Variants in SH3RF3 observed in about 807,000 individuals in gnomAD.
SH3RF3 encodes SH3 domain containing ring finger 3, also known as E3 ubiquitin-protein ligase SH3RF3.
A neutral mutation model predicts 66.3 loss-of-function variants in SH3RF3; 29 were observed. The ratio of observed to expected loss-of-function variants is 0.44; its 90% CI spans 0.33 to 0.60. The LOEUF is 0.60. SH3RF3 is among the 20% of genes least tolerant of loss of function. The probability of loss-of-function intolerance (pLI) is 0.04; values close to 1 mark genes in which losing one functional copy is unlikely to be tolerated. For missense variants in SH3RF3, 1,194 were observed against 1,190.9 expected (o/e 1.00, Z -0.04); for synonymous variants, 583 against 532.0 (o/e 1.10, Z -1.32).
chr2:109,432,954 C>CT (rs1287189752), intron 6 of SH3RF3, among the ~76,000 whole-genome samples: 1 of 152,250 alleles, frequency 6.6e-6, no homozygotes, highest in Non-Finnish European at 1.5e-5. Flanking sequence ...AATGAGGTCT[C>CT]AAGTGTGAAT....
At chr2:109,425,932 C>G (rs953905886) in intron 5 of SH3RF3, among the ~76,000 whole-genome samples, 6 of 152,108 alleles carry the variant, frequency 3.9e-5, no homozygotes, top group Admixed American at 1.3e-4. Flanking sequence ...GAGTTTCACT[C>G]TGTCGTCCAG....
chr2:109,282,092 C>G (rs1485608842), intron 1 of SH3RF3, among the ~76,000 whole-genome samples: 1 of 152,064 alleles, frequency 6.6e-6, no homozygotes, highest in East Asian at 1.9e-4. Context: ...AAGCCTGTCT[C>G]TAGTTGCATT....
intron 3 of SH3RF3, among the ~76,000 whole-genome samples, chr2:109,394,708 C>T (rs1676093225): frequency 6.6e-6 from 1 of 152,206 alleles, no homozygotes; most frequent in African/African-American, 2.4e-5. Flanking sequence ...CAAGGTGACG[C>T]CACATGCAGA....
intron 2 of SH3RF3, among the ~76,000 whole-genome samples, chr2:109,367,029 C>G (rs1312271227): frequency 6.6e-6 from 1 of 151,880 alleles, no homozygotes; most frequent in Non-Finnish European, 1.5e-5. Context: ...TCTTGGTTCA[C>G]TGCAACTTTC....
intron 1 of SH3RF3, among the ~76,000 whole-genome samples, chr2:109,324,817 G>A (rs1682110247): frequency 6.6e-6 from 1 of 152,164 alleles, no homozygotes; most frequent in Non-Finnish European, 1.5e-5. Context: ...GTAACTCCAA[G>A]GACAGTACTC....
chr2:109,465,176 A>G (rs1170370713), intron 8 of SH3RF3, among the ~76,000 whole-genome samples: 1 of 152,366 alleles, frequency 6.6e-6, no homozygotes, highest in African/African-American at 2.4e-5. Flanking sequence ...GCACTGAATA[A>G]TATTCCATTG....
chr2:109,482,598 G>A (rs1490025309), intron 8 of SH3RF3, among the ~76,000 whole-genome samples: 1 of 152,172 alleles, frequency 6.6e-6, no homozygotes, highest in East Asian at 1.9e-4. Flanking sequence ...CCTAAGAGGG[G>A]GAGAGCAGTG....
At chr2:109,330,033 C>G (rs1023210098) in intron 1 of SH3RF3, among the ~76,000 whole-genome samples, 1 of 152,160 alleles carries the variant, frequency 6.6e-6, no homozygotes, top group Non-Finnish European at 1.5e-5. Context: ...CTGGCCCTTA[C>G]AAAACATTGA....
Position 109,398,668 on chromosome 2 carries a change from C to A in SH3RF3, c.1024C>A (p.Pro342Thr), listed in dbSNP as rs369452400. Reference protein sequence around the residue: ...AAASSCNASLPSDSGAVASVA... With the variant: ...AAASSCNASLTSDSGAVASVA... ...TGCATCCAGCTGCAATGCCTCCCTG[C>A]CCTCTGACTCCGGCGCTGTGGCCAG... Residue 342 changes from proline to threonine, a missense_variant, in exon 4 of 10, where the codon CCC becomes ACC. Transcript: ENST00000309415. 1.9e-6 allele frequency: 3 copies of A among 1,607,746 alleles called. No individual in the cohort carries two copies. In the African/African-American group the frequency reaches 4.0e-5, roughly 21 times the overall value.
chr2:109,155,801 T>C (rs1250990465), intron 1 of SH3RF3, among the ~76,000 whole-genome samples: 1 of 152,224 alleles, frequency 6.6e-6, no homozygotes, highest in African/African-American at 2.4e-5. Flanking sequence ...GTGAATAACG[T>C]AGAATGGAAG....
chr2:109,423,409 G>A (rs1676935620), intron 5 of SH3RF3, among the ~76,000 whole-genome samples: 6 of 152,142 alleles, frequency 3.9e-5, no homozygotes. Flanking sequence ...TGTGCGTGTG[G>A]TCAAAAGGCC....
intron 9 of SH3RF3, among the ~76,000 whole-genome samples, chr2:109,491,974 C>T (rs1240568936): frequency 2.0e-5 from 3 of 152,148 alleles, no homozygotes; most frequent in South Asian, 4.1e-4. Flanking sequence ...GTCTAGTTTT[C>T]TATCCTCACA....
intron 8 of SH3RF3, among the ~76,000 whole-genome samples, chr2:109,454,440 A>G (rs1677978672): frequency 1.3e-5 from 2 of 152,180 alleles, no homozygotes; most frequent in African/African-American, 2.4e-5. Context: ...AGCACAGGCC[A>G]TGAGTGGTGC....
At chr2:109,270,928 G>A (rs1208809781) in intron 1 of SH3RF3, among the ~76,000 whole-genome samples, 3 of 152,182 alleles carry the variant, frequency 2.0e-5, no homozygotes, top group Non-Finnish European at 4.4e-5. Flanking sequence ...AGACACCAGC[G>A]GGGCCCTCCA....
intron 1 of SH3RF3, among the ~76,000 whole-genome samples, chr2:109,211,479 G>A (rs1035479993): frequency 2.6e-5 from 4 of 152,178 alleles, no homozygotes; most frequent in Non-Finnish European, 5.9e-5. Flanking sequence ...ATGCAGATGG[G>A]CGCAACTGCG....
At chr2:109,311,994 C>A (rs1238975536) in intron 1 of SH3RF3, among the ~76,000 whole-genome samples, 2 of 151,690 alleles carry the variant, frequency 1.3e-5, no homozygotes, top group Non-Finnish European at 2.9e-5. Context: ...AGGTCGGCTG[C>A]TGCTGGTGCT....
chr2:109,129,879 G>T lies in SH3RF3; in HGVS notation c.339G>T (p.Leu113Phe), dbSNP rs867310216. The change falls in exon 1 of 10, where the codon TTG becomes TTT. Residue 113 changes from leucine (L) to phenylalanine (F), a missense_variant. By Grantham distance (22) the Leu-to-Phe change is conservative. Coordinates refer to ENST00000309415, the MANE Select transcript of SH3RF3 (RefSeq NM_001099289.3). ...TGGACGAACTGCCCGCCAACATCTT[G>T]CTGGTGCGACTGCTGGACGGCATCC... ...CGVDELPANI[L>F]LVRLLDGIRQ... The T allele has an allele frequency of 6.6e-7, 1 of 1,521,944 alleles. No individual in the cohort carries two copies. Among genetic ancestry groups the T allele is most frequent in the East Asian group, 2.6e-5 (1 of 39,018 alleles). 94.3% of individuals were successfully genotyped at this position (1,521,944 alleles called of 1,614,324 possible). A position where few individuals can be genotyped will look rare whatever the true frequency, so the allele number is the denominator to read the frequency against.
intron 1 of SH3RF3, among the ~76,000 whole-genome samples, chr2:109,153,370 A>G (rs59050495): frequency 0.13 from 20,111 of 152,100 alleles, 2,552 homozygotes; most frequent in East Asian, 0.65. Context: ...AAAAATTTGT[A>G]TTTTTGCTGA....
At chr2:109,317,904 AG>A (rs56050924) in intron 1 of SH3RF3, among the ~76,000 whole-genome samples, 36,573 of 151,964 alleles carry the variant, frequency 0.24, 5,433 homozygotes, top group East Asian at 0.65. Context: ...TGTGGCCAGC[AG>A]CAGCTCGCTG....
Sources: allele counts gnomAD v4.1 joint callset (sites outside exome capture counted in the v4.1 genomes callset), GRCh38; gene constraint gnomAD v4.1.1; transcripts MANE v1.5; gene names NCBI Gene and HGNC (gene_info 2026-07-23, HGNC 2026-07-21).